Variants in NCL observed in about 807,000 individuals in gnomAD.
NCL encodes nucleolin multifunctional protein.
NCL carries 4 observed loss-of-function variants against 77.7 expected under a neutral mutation model. The ratio of observed to expected loss-of-function variants is 0.05; its 90% CI spans 0.03 to 0.12. The LOEUF (loss-of-function observed/expected upper bound fraction) is 0.12, where lower values mean the gene tolerates loss of function less well. Ranked by LOEUF, NCL falls within the 10% of genes least tolerant of loss-of-function variation. The pLI, the probability that NCL is intolerant of heterozygous loss-of-function variation, is 1.00. For missense variants in NCL, 763 were observed against 860.9 expected, an observed-to-expected ratio of 0.89 and a Z score of 1.42; for synonymous variants, 344 against 297.8, an observed-to-expected ratio of 1.16 and a Z score of -1.60.
rs1287671738 is a variant in NCL, at chr2:231,460,306, A to G, written c.899-13T>C. Reference sequence around the variant, plus strand: ...GTCGGTTCTGTGCCTGCACAAAAAAAGCTCAACTCAGTCTACTTGTAGTGT... The same window carrying G: ...GTCGGTTCTGTGCCTGCACAAAAAAGGCTCAACTCAGTCTACTTGTAGTGT... On this transcript the variant is annotated splice_polypyrimidine_tract_variant and intron_variant, in intron 5 of 13. Coordinates refer to ENST00000322723, the MANE Select transcript of NCL (RefSeq NM_005381.3). 1 of 1,613,846 alleles carries G rather than the reference A, an allele frequency of 6.2e-7. No homozygotes were observed. The highest frequency in any genetic ancestry group is 1.7e-5 in the Admixed American group (1 of 59,960).
intron 1 of NCL, 128 bp downstream of exon 1, chr2:231,464,208 G>C (rs2046978690): frequency 2.7e-6 from 4 of 1,480,340 alleles, no homozygotes; most frequent in African/African-American, 2.8e-5. Context: ...CTAATCGCGC[G>C]AGACTTCCCG....
rs756455274 is a variant in NCL at position 231,461,734 on chromosome 2, G to GCATTCTTGC, written c.410_418dup (p.Gly137_Asn139dup). Reference sequence around the variant, plus strand: ...CTCTTCATCACTGTCTTCCTTCTTGGCATTCTTGCCATTCTTTGCCCCCTT... The same window carrying GCATTCTTGC: ...CTCTTCATCACTGTCTTCCTTCTTGGCATTCTTGCCATTCTTGCCATTCTTTGCCCCCTT... On this transcript the variant is annotated inframe_insertion, in exon 3 of 14. Coordinates refer to ENST00000322723, the MANE Select transcript of NCL (RefSeq NM_005381.3). The GCATTCTTGC allele has an allele frequency of 3.7e-6, 6 of 1,614,050 alleles. No individual in the cohort carries two copies. The highest frequency in any genetic ancestry group is 5.1e-6 in the Non-Finnish European group (6 of 1,180,010).
chr2:231,455,669 C>T, intron 12 of NCL, 45 bp from the exon 13 acceptor site: 1 of 1,587,664 alleles, frequency 6.3e-7, no homozygotes, highest in Non-Finnish European at 8.6e-7. Context: ...GCACCTACTA[C>T]ACATGTCCCA....
At chr2:231,457,242 T>C (rs773507436) in intron 9 of NCL, 118 bp from the exon 10 acceptor site, 13 of 1,384,502 alleles carry the variant, frequency 9.4e-6, no homozygotes, top group South Asian at 2.4e-5. Context: ...CAAATACTCA[T>C]GACGTAAGCT....
At chr2:231,455,686 CTG>C in intron 12 of NCL, 62 bp from the exon 13 acceptor site, 3 of 1,543,404 alleles carry the variant, frequency 1.9e-6, no homozygotes, top group East Asian at 2.2e-5. Context: ...CCCAAGTTAA[CTG>C]TACATGCTGG....
At position 231,455,539 on chromosome 2, in the gene NCL, C is replaced by G; in HGVS notation, c.1918G>C (p.Val640Leu). The G allele has an allele frequency of 6.2e-7, 1 of 1,614,196 alleles. No individual in the cohort carries two copies. Among genetic ancestry groups the G allele is most frequent in the Non-Finnish European group, 8.5e-7 (1 of 1,180,040 alleles). The change falls in exon 13 of 14, where the codon GTT becomes CTT. Residue 640 changes from valine (V) to leucine (L), a missense_variant. Around this residue, in one of 2 missense-constraint regions of NCL, gnomAD observed 173 missense variants for 290.4 expected, o/e 0.60. Transcript: ENST00000322723. Reference sequence around the variant, plus strand: ...TTAGGTTTGGCCCAGTCCAAGGTAACTTTATTTCCATCAATTTCACCGTCT... The same window carrying G: ...TTAGGTTTGGCCCAGTCCAAGGTAAGTTTATTTCCATCAATTTCACCGTCT... ...MEDGEIDGNK[V>L]TLDWAKPKGE...
At chr2:231,462,200 G>C (rs918015679) in intron 2 of NCL, 183 bp from the exon 3 acceptor site, 11 of 804,660 alleles carry the variant, frequency 1.4e-5, no homozygotes, top group African/African-American at 8.6e-5. Flanking sequence ...CCTATCATAA[G>C]GTGAATACCC....
chr2:231,461,000 C>T (rs1021831124), intron 3 of NCL, 134 bp from the exon 4 acceptor site: 29 of 768,436 alleles, frequency 3.8e-5, no homozygotes, highest in Admixed American at 1.1e-4. Flanking sequence ...CACTTGGGGC[C>T]GGGCGCAGTG....
chr2:231,458,497 G>C, intron 7 of NCL, 108 bp from the exon 8 acceptor site: 2 of 1,361,786 alleles, frequency 1.5e-6, no homozygotes, highest in Admixed American at 2.2e-5. Context: ...CAAATAATTT[G>C]AGATCCTATA....
At chr2:231,456,789 G>C (rs1173344959) in intron 10 of NCL, 25 bp from the exon 11 acceptor site, 2 of 1,612,262 alleles carry the variant, frequency 1.2e-6, no homozygotes, top group African/African-American at 1.3e-5. Flanking sequence ...TTAATGCTTA[G>C]AGTAAGTTAC....
In NCL at chr2:231,460,766, T is replaced by A. The variant is rs2046941753; in HGVS notation, c.714A>T (p.Glu238Asp). 6.2e-7 allele frequency: 1 copy of A among 1,614,032 alleles called. No individual in the cohort carries two copies. The highest frequency in any genetic ancestry group is 1.3e-5 in the African/African-American group (1 of 75,026). ...CATCCTCGTCCTCATCATCCTCTTCTTCATCTTCATCCTCAGCCACGTTCT... is the reference window on the plus strand; with the variant it reads ...CATCCTCGTCCTCATCATCCTCTTCATCATCTTCATCCTCAGCCACGTTCT... ...KAKNVAEDED[E>D]EEDDEDEDDD... is the part of the protein sequence containing the mutation. Residue 238 changes from glutamate (E) to aspartate (D), a missense_variant, in exon 4 of 14, where the codon GAA becomes GAT. By Grantham distance (45) the Glu-to-Asp change is conservative (BLOSUM62 2). Around this residue, in one of 2 missense-constraint regions of NCL, gnomAD observed 590 missense variants for 570.5 expected, o/e 1.03. Transcript: ENST00000322723.
intron 6 of NCL, among the ~76,000 whole-genome samples, chr2:231,459,832 G>A (rs1385472026): frequency 3.3e-5 from 5 of 151,768 alleles, no homozygotes; most frequent in African/African-American, 9.7e-5. Context: ...GCTTGAACCC[G>A]GGAGGCAGAG....
At position 231,455,022 on chromosome 2, in the gene NCL, A is replaced by G. The variant is rs11542690; in HGVS notation, c.*169T>C. Reference sequence around the variant, plus strand: ...AAGTTTATATGAATATCCAGTCAAAACCAACACGGTATTGCCCTTGAAATG... The same window carrying G: ...AAGTTTATATGAATATCCAGTCAAAGCCAACACGGTATTGCCCTTGAAATG... On this transcript the variant is annotated 3_prime_UTR_variant, in exon 14 of 14. Transcript: ENST00000322723. 1 of 680,428 alleles carries G rather than the reference A, an allele frequency of 1.5e-6. No individual in the cohort carries two copies. Among genetic ancestry groups the G allele is most frequent in the East Asian group, 2.6e-5 (1 of 38,828 alleles). 42.1% of individuals were successfully genotyped at this position (680,428 alleles called of 1,614,324 possible). A position where few individuals can be genotyped will look rare whatever the true frequency, so the allele number is the denominator to read the frequency against.
Position 231,454,753 on chromosome 2 carries a change from C to G in NCL, c.*438G>C, listed in dbSNP as rs965579110. The stretch of plus-strand genomic sequence containing the variant: ...ACTCTTTAGGAAGTAACACGTCTGG[C>G]ACCAGAGTTGACTTTTAATTTGTCC... On this transcript the variant is annotated 3_prime_UTR_variant, in exon 14 of 14. Coordinates refer to ENST00000322723, the MANE Select transcript of NCL (RefSeq NM_005381.3). 2 of 161,146 alleles carry G rather than the reference C, an allele frequency of 1.2e-5. No individual in the cohort carries two copies. Among genetic ancestry groups the G allele is most frequent in the African/African-American group, 4.9e-5 (2 of 41,230 alleles). 10.0% of individuals were successfully genotyped at this position (161,146 alleles called of 1,614,324 possible).
intron 11 of NCL, 81 bp downstream of exon 11, chr2:231,456,549 GA>G (rs2046890333): frequency 6.3e-7 from 1 of 1,584,580 alleles, no homozygotes; most frequent in African/African-American, 1.3e-5. Flanking sequence ...GTAGCAACAG[GA>G]AACACAGAAT....
chr2:231,455,935 A>G, intron 12 of NCL, 75 bp downstream of exon 12: 1 of 1,606,968 alleles, frequency 6.2e-7, no homozygotes, highest in Non-Finnish European at 8.5e-7. Flanking sequence ...CAATGAGAAG[A>G]CACATTAGAC....
At position 231,455,233 on chromosome 2, in the gene NCL, T is replaced by A. The variant is rs779747166; in HGVS notation, c.2091A>T (p.Gly697=). The A allele has an allele frequency of 6.2e-6, 10 of 1,613,470 alleles. No homozygotes were observed. Among genetic ancestry groups the A allele is most frequent in the Middle Eastern group, 1.6e-4 (1 of 6,080 alleles). ...TCTTTCCTTGTGGCTTGTGGTCACC[T>A]CCTCCTCCTCTGCCTCCTCGGAAGC... ...RGGFRGGRGG[G]GDHKPQGKKT... The change falls in exon 14 of 14, where the codon GGA becomes GGT. Residue 697 remains glycine (G), a synonymous_variant. Transcript: ENST00000322723.
In NCL at chr2:231,464,471, G is replaced by C. The variant is rs528798106; in HGVS notation, c.-118C>G. On this transcript the variant is annotated 5_prime_UTR_variant, in exon 1 of 14. Coordinates refer to ENST00000322723, the MANE Select transcript of NCL (RefSeq NM_005381.3). ...GGAGCACGTACACCCGAAGGCCAGC[G>C]AGAGCTCGAGACTGAGGCGAAAGAC... The C allele has an allele frequency of 2.2e-5, 31 of 1,388,870 alleles. No individual in the cohort carries two copies. The highest frequency in any genetic ancestry group is 3.0e-5 in the Non-Finnish European group (30 of 1,001,256). 86.0% of individuals were successfully genotyped at this position (1,388,870 alleles called of 1,614,324 possible).
chr2:231,459,862 G>A (rs62199001), intron 6 of NCL, among the ~76,000 whole-genome samples: 13,317 of 151,700 alleles, frequency 0.088, 809 homozygotes, highest in Non-Finnish European at 0.13. Context: ...AGCCAAGATT[G>A]CGCCACTGTA....
Sources: gnomAD v4.1 joint callset for allele counts (sites outside exome capture counted in the v4.1 genomes callset) on GRCh38, gnomAD v4.1.1 for gene constraint, gnomAD v4.1.1 regional missense constraint, MANE v1.5 for transcripts, NCBI Gene and HGNC (gene_info 2026-07-23, HGNC 2026-07-21) for gene names.